The following PACRG variants were observed in gnomAD, a reference collection of about 807,000 sequenced individuals.
PACRG encodes the protein parkin coregulated gene protein.
In PACRG, 29 loss-of-function variants were observed where a neutral mutation model predicts 29.7. The observed-to-expected ratio is 0.98, with a 90% CI of 0.73 to 1.33. The LOEUF (loss-of-function observed/expected upper bound fraction) is 1.33, where lower values mean the gene tolerates loss of function less well. PACRG is among the 40% of genes most tolerant of loss of function. The pLI is 0.00. For synonymous variants in PACRG, 116 were observed against 118.7 expected (o/e 0.98, Z 0.15); for missense variants, 279 against 316.2 (o/e 0.88, Z 0.89).
chr6:162,955,973 G>T (rs1010716547), intron 2 of PACRG, among the ~76,000 whole-genome samples: 1 of 152,198 alleles, frequency 6.6e-6, no homozygotes, highest in East Asian at 1.9e-4. Flanking sequence ...ACATGGTGGT[G>T]GTGGGAGAGG....
chr6:162,863,873 C>T (rs1425362671), intron 2 of PACRG, among the ~76,000 whole-genome samples: 1 of 152,104 alleles, frequency 6.6e-6, no homozygotes, highest in Non-Finnish European at 1.5e-5. Context: ...GAGTTGTCTA[C>T]CTTTCTGCTT....
intron 4 of PACRG, among the ~76,000 whole-genome samples, chr6:163,226,739 T>A (rs2128161205): frequency 6.6e-6 from 1 of 152,302 alleles, no homozygotes. Flanking sequence ...CACATCCCAG[T>A]GCCTGGGGAG....
At chr6:162,796,251 T>C (rs1004901439) in intron 1 of PACRG, among the ~76,000 whole-genome samples, 7 of 152,180 alleles carry the variant, frequency 4.6e-5, no homozygotes, top group Non-Finnish European at 1.0e-4. Flanking sequence ...TATTTCTTCA[T>C]TTTCAATCTC....
rs564952861 is a variant in PACRG at position 162,872,892 on chromosome 6, T to C, written c.291+58611T>C. 7.9e-4 allele frequency among the ~76,000 whole-genome samples: 120 copies of C among 152,282 alleles called. 1 individual carries two copies. The highest frequency in any genetic ancestry group is 2.1e-3 in the Admixed American group (32 of 15,302). On this transcript the variant is annotated intron_variant, in intron 2 of 4. Coordinates refer to ENST00000366888, the MANE Select transcript of PACRG (RefSeq NM_001080379.2). Reference sequence around the variant, plus strand: ...TCATAGGTAGTGCAATACTTTATTATCTCTTATAATTATACTGATTTTAGC... The same window carrying C: ...TCATAGGTAGTGCAATACTTTATTACCTCTTATAATTATACTGATTTTAGC...
At chr6:162,823,516 CTT>C (rs545819014) in intron 2 of PACRG, among the ~76,000 whole-genome samples, 7 of 142,708 alleles carry the variant, frequency 4.9e-5, no homozygotes, top group Admixed American at 1.4e-4. Context: ...CTTTTCTCTT[CTT>C]TTTTTTTTTT....
At chr6:162,886,456 A>C (rs2128029673) in intron 2 of PACRG, among the ~76,000 whole-genome samples, 1 of 152,262 alleles carries the variant, frequency 6.6e-6, no homozygotes, top group Admixed American at 6.5e-5. Flanking sequence ...GAAATCTTAC[A>C]TGACTTCATA....
At chr6:163,235,296 A>G (rs138432912) in intron 4 of PACRG, among the ~76,000 whole-genome samples, 1 of 152,336 alleles carries the variant, frequency 6.6e-6, no homozygotes, top group African/African-American at 2.4e-5. Context: ...ATATACAGAT[A>G]TATTTCTTCT....
chr6:163,186,876 C>T (rs1056683841), intron 4 of PACRG, among the ~76,000 whole-genome samples: 13 of 152,330 alleles, frequency 8.5e-5, no homozygotes, highest in African/African-American at 2.9e-4. Flanking sequence ...TCGCCCTCAC[C>T]GCACACACAA....
chr6:162,932,942 A>G lies in PACRG; in HGVS notation c.291+118661A>G, dbSNP rs189050096. On this transcript the variant is annotated intron_variant, in intron 2 of 4. Coordinates refer to ENST00000366888, the MANE Select transcript of PACRG (RefSeq NM_001080379.2). ...TTTTTCTTGCTTTTCTAATTCTCTGAGATACATCATTAGGTTGTTTATTTG... is the reference window on the plus strand; with the variant it reads ...TTTTTCTTGCTTTTCTAATTCTCTGGGATACATCATTAGGTTGTTTATTTG... Among the ~76,000 whole-genome samples the G allele has an allele frequency of 4.0e-5, 6 of 151,690 alleles. No homozygotes were observed. In the East Asian group the frequency reaches 1.2e-3, roughly 29 times the overall value.
chr6:163,197,276 A>G (rs1352332546), intron 4 of PACRG, among the ~76,000 whole-genome samples: 1 of 152,114 alleles, frequency 6.6e-6, no homozygotes, highest in Non-Finnish European at 1.5e-5. Context: ...TGGTGCTTTC[A>G]GTTGCTCCAG....
intron 2 of PACRG, among the ~76,000 whole-genome samples, chr6:162,829,691 G>A (rs1788582187): frequency 6.6e-6 from 1 of 152,024 alleles, no homozygotes; most frequent in Non-Finnish European, 1.5e-5. Flanking sequence ...AGCAACATAT[G>A]TTGCCTTTTC....
Position 163,198,202 on chromosome 6 carries a change from A to G in PACRG, c.613+108794A>G, listed in dbSNP as rs145108752. 5.9e-4 allele frequency among the ~76,000 whole-genome samples: 90 copies of G among 152,368 alleles called. No homozygotes were observed. The East Asian group carries it at 0.017, about 29-fold the overall frequency. On this transcript the variant is annotated intron_variant, in intron 4 of 4. Coordinates refer to ENST00000366888, the MANE Select transcript of PACRG (RefSeq NM_001080379.2). ...GAACTAGTTATTCACTAAAGTGACCACAGATTTTTAATATAGTCTGCATCA... is the reference window on the plus strand; with the variant it reads ...GAACTAGTTATTCACTAAAGTGACCGCAGATTTTTAATATAGTCTGCATCA...
chr6:163,306,262 C>T (rs1220147169), intron 4 of PACRG, among the ~76,000 whole-genome samples: 4 of 152,174 alleles, frequency 2.6e-5, no homozygotes, highest in African/African-American at 9.7e-5. Context: ...CTGGACTTAA[C>T]TCTCTGCTCT....
intron 2 of PACRG, among the ~76,000 whole-genome samples, chr6:162,857,128 A>G (rs1791463876): frequency 6.6e-6 from 1 of 152,184 alleles, no homozygotes. Context: ...GAAGAAAGCA[A>G]GCAAGCAACA....
chr6:163,116,458 G>A (rs1053618716), intron 4 of PACRG, among the ~76,000 whole-genome samples: 4 of 152,200 alleles, frequency 2.6e-5, no homozygotes, highest in African/African-American at 7.2e-5. Flanking sequence ...TGTATCAAAT[G>A]GGGGGGATGT....
chr6:162,963,743 TACTG>T (rs10535163), intron 2 of PACRG, among the ~76,000 whole-genome samples: 23,436 of 151,428 alleles, frequency 0.15, 3,157 homozygotes, highest in African/African-American at 0.36. Context: ...AAATAATTGT[TACTG>T]ACCTCCCAAT....
chr6:163,233,300 T>C lies in PACRG; in HGVS notation c.614-81527T>C, dbSNP rs560758923. On this transcript the variant is annotated intron_variant, in intron 4 of 4. Transcript: ENST00000366888. The stretch of plus-strand genomic sequence containing the variant: ...ATGGATGAAGAGATGGCTGAACTGA[T>C]TGATGAACAAAAAGTTCACCTGCCA... Among the ~76,000 whole-genome samples the C allele has an allele frequency of 4.3e-4, 66 of 152,332 alleles. No homozygotes were observed. The South Asian group carries it at 0.013, about 31-fold the overall frequency.
Position 163,097,831 on chromosome 6 carries a change from G to A in PACRG, c.613+8423G>A, listed in dbSNP as rs561049414. ...TTATGTAGATGAAGTCTCATAGGTG[G>A]TACCCTTAGAGAAAATAAGTTGGCA... On this transcript the variant is annotated intron_variant, in intron 4 of 4. Coordinates refer to ENST00000366888, the MANE Select transcript of PACRG (RefSeq NM_001080379.2). 3.9e-4 allele frequency among the ~76,000 whole-genome samples: 59 copies of A among 152,238 alleles called. 1 individual carries two copies. In the South Asian group the frequency reaches 6.0e-3, roughly 16 times the overall value.
intron 4 of PACRG, among the ~76,000 whole-genome samples, chr6:163,247,356 A>G (rs548016286): frequency 3.3e-5 from 5 of 152,296 alleles, no homozygotes; most frequent in African/African-American, 9.6e-5. Flanking sequence ...ATGTTCTCCC[A>G]TATGTTTCCT....
Sources: gnomAD v4.1 joint callset for allele counts (sites outside exome capture counted in the v4.1 genomes callset) on GRCh38, gnomAD v4.1.1 for gene constraint, MANE v1.5 for transcripts, NCBI Gene and HGNC (gene_info 2026-07-23, HGNC 2026-07-21) for gene names.